Variants in NCOA6 observed in about 807,000 individuals in gnomAD.
NCOA6 encodes the protein NRC RAP250.
A neutral mutation model predicts 171.4 loss-of-function variants in NCOA6; 49 were observed. The observed-to-expected ratio is 0.29, with a 90% CI of 0.23 to 0.36. The LOEUF (loss-of-function observed/expected upper bound fraction) is 0.36, where lower values mean the gene tolerates loss of function less well. NCOA6 is among the 10% of genes least tolerant of loss of function. The pLI is 1.00. For missense variants in NCOA6, 2,248 were observed against 2,554.5 expected (o/e 0.88, Z 2.59); for synonymous variants, 910 against 927.5 (o/e 0.98, Z 0.34).
chr20:34,817,130 C>A (rs1343180929), intron 1 of NCOA6, among the ~76,000 whole-genome samples: 2,221 of 89,096 alleles, frequency 0.025, 316 homozygotes, highest in Middle Eastern at 0.045. Context: ...CACACACACA[C>A]ACAAAAAAGC....
Position 34,810,746 on chromosome 20 carries a change from C to T in NCOA6, c.-164+14726G>A, listed in dbSNP as rs181912890. ...AATTTTTTTGTATTTTTAGAAGAGT[C>T]GCGGTTTCACCGTGGTCTCGATCTC... On this transcript the variant is annotated intron_variant, in intron 1 of 14. Coordinates refer to ENST00000359003, the MANE Select transcript of NCOA6 (RefSeq NM_014071.5). 2.0e-5 allele frequency among the ~76,000 whole-genome samples: 3 copies of T among 152,070 alleles called. No homozygotes were observed. The East Asian group carries it at 5.8e-4, about 29-fold the overall frequency.
chr20:34,746,629 A>G (rs1415304336), intron 10 of NCOA6, among the ~76,000 whole-genome samples, 178 bp downstream of exon 10: 2 of 152,228 alleles, frequency 1.3e-5, no homozygotes, highest in African/African-American at 2.4e-5. Flanking sequence ...TTCAAAAGTT[A>G]TATTTGAAAT....
intron 1 of NCOA6, among the ~76,000 whole-genome samples, chr20:34,797,226 G>A (rs1234944000): frequency 6.6e-6 from 1 of 152,122 alleles, no homozygotes; most frequent in Non-Finnish European, 1.5e-5. Flanking sequence ...CCTTCCCTCT[G>A]CTTGAGGAGA....
In NCOA6 at chr20:34,746,792, C is replaced by T. The variant is rs370482629; in HGVS notation, c.2914+15G>A. 1.2e-6 allele frequency: 2 copies of T among 1,601,816 alleles called. No homozygotes were observed. Among genetic ancestry groups the T allele is most frequent in the East Asian group, 4.5e-5 (2 of 44,716 alleles). ...CACATGTAATAAGTATATAATCTAG[C>T]TAACATTTTATCACCTGGTGGCCGG... On this transcript the variant is annotated intron_variant, in intron 10 of 14. Coordinates refer to ENST00000359003, the MANE Select transcript of NCOA6 (RefSeq NM_014071.5).
chr20:34,802,946 C>T (rs6119527), intron 1 of NCOA6, among the ~76,000 whole-genome samples: 1 of 151,844 alleles, frequency 6.6e-6, no homozygotes, highest in Non-Finnish European at 1.5e-5. Flanking sequence ...CCAAGTGATC[C>T]TCCCACCTCA....
intron 1 of NCOA6, among the ~76,000 whole-genome samples, chr20:34,817,648 T>A (rs1195505730): frequency 2.6e-5 from 4 of 151,930 alleles, no homozygotes; most frequent in African/African-American, 4.8e-5. Context: ...TAGAAAAAGA[T>A]CACATTTAAA....
intron 8 of NCOA6, 23 bp downstream of exon 8, chr20:34,754,699 T>G (rs756495477): frequency 4.3e-6 from 7 of 1,613,976 alleles, no homozygotes; most frequent in Non-Finnish European, 4.2e-6. Flanking sequence ...AAATGCTGGC[T>G]AAACAAATCA....
At chr20:34,812,251 T>TA (rs79146528) in intron 1 of NCOA6, among the ~76,000 whole-genome samples, 3,491 of 138,756 alleles carry the variant, frequency 0.025, 44 homozygotes, top group Middle Eastern at 0.058. Flanking sequence ...GACTCTGTCT[T>TA]AAAAAAAAAA....
At position 34,742,109 on chromosome 20, in the gene NCOA6, T is replaced by C. The variant is rs748866916; in HGVS notation, c.4147A>G (p.Asn1383Asp). Residue 1383 changes from asparagine to aspartate, a missense_variant, in exon 11 of 15, where the codon AAT becomes GAT. Asn to Asp is a conservative substitution (Grantham distance 23). Coordinates refer to ENST00000359003, the MANE Select transcript of NCOA6 (RefSeq NM_014071.5). ...NVLVSPTPLA[N>D]PPVPGSFPNN... ...GGAAAGCTCCCAGGTACAGGGGGATTGGCCAGAGGAGTGGGACTGACCAAT... is the reference window on the plus strand; with the variant it reads ...GGAAAGCTCCCAGGTACAGGGGGATCGGCCAGAGGAGTGGGACTGACCAAT... 6 of 1,614,210 alleles carry C rather than the reference T, an allele frequency of 3.7e-6. No homozygotes were observed. The Admixed American group carries it at 1.0e-4, about 27-fold the overall frequency.
chr20:34,823,766 T>C lies in NCOA6; in HGVS notation c.-164+1706A>G, dbSNP rs560251611. 3.9e-5 allele frequency among the ~76,000 whole-genome samples: 6 copies of C among 152,206 alleles called. No individual in the cohort carries two copies. In the East Asian group the frequency reaches 5.8e-4, roughly 15 times the overall value. ...AGGCAGGAATGTCATGGAATGACCA[T>C]AGCATGGCTCATTGCAGCCTTGACC... On this transcript the variant is annotated intron_variant, in intron 1 of 14. Transcript: ENST00000359003.
chr20:34,792,720 C>G (rs2077928614), intron 1 of NCOA6, among the ~76,000 whole-genome samples, 157 bp from the exon 2 acceptor site: 1 of 150,624 alleles, frequency 6.6e-6, no homozygotes, highest in African/African-American at 2.4e-5. Context: ...GCATTGGCAT[C>G]TTTAGAGAAT....
chr20:34,769,061 C>T (rs992560587), intron 4 of NCOA6, among the ~76,000 whole-genome samples: 7 of 152,064 alleles, frequency 4.6e-5, no homozygotes, highest in Admixed American at 3.9e-4. Flanking sequence ...CACTTGTGAA[C>T]AAAATACCAA....
At chr20:34,770,156 C>T (rs1418030053) in intron 4 of NCOA6, among the ~76,000 whole-genome samples, 1 of 152,088 alleles carries the variant, frequency 6.6e-6, no homozygotes, top group African/African-American at 2.4e-5. Context: ...TCTCCTGCCT[C>T]AGCCTCCCGA....
Position 34,736,740 on chromosome 20 carries a change from A to C in NCOA6, c.5912T>G (p.Val1971Gly), listed in dbSNP as rs1336274822. The change falls in exon 12 of 15, where the codon GTC (valine) becomes GGC (glycine). Residue 1971 changes from valine (V) to glycine (G), a missense_variant. Val to Gly is a moderately radical substitution (Grantham distance 109, BLOSUM62 -3). Around this residue, in one of 7 missense-constraint regions of NCOA6, gnomAD observed 884 missense variants for 941.9 expected, o/e 0.94. Coordinates refer to ENST00000359003, the MANE Select transcript of NCOA6 (RefSeq NM_014071.5). ...TGCTGTGGTTGAAGTTTCCTTTGAG[A>C]CTAAATTCTGCGACGGGGCTAAGGC... ...LPSIAPSQNL[V>G]SKETSTTALQ... The C allele has an allele frequency of 2.5e-6, 4 of 1,611,628 alleles. No individual in the cohort carries two copies. Among genetic ancestry groups the C allele is most frequent in the Non-Finnish European group, 3.4e-6 (4 of 1,178,664 alleles).
chr20:34,749,429 C>T lies in NCOA6; in HGVS notation c.2766G>A (p.Lys922=). ...TTAGATCTTGCTGACTATTTTTCTT[C>T]TTCCGAGGGGGTTTCTTCTTCTTCG... ...NKPKKKKPPR[K]KKNSQQDLNT... The change falls in exon 9 of 15, where the codon AAG becomes AAA. Residue 922 remains lysine, a synonymous_variant. Coordinates refer to ENST00000359003, the MANE Select transcript of NCOA6 (RefSeq NM_014071.5). 2 of 1,607,448 alleles carry T rather than the reference C, an allele frequency of 1.2e-6. No homozygotes were observed. The highest frequency in any genetic ancestry group is 1.7e-6 in the Non-Finnish European group (2 of 1,176,288).
intron 1 of NCOA6, among the ~76,000 whole-genome samples, chr20:34,805,594 T>C (rs974073723): frequency 6.6e-6 from 1 of 152,182 alleles, no homozygotes; most frequent in Non-Finnish European, 1.5e-5. Context: ...AACATGAGAA[T>C]GTAGATGTCT....
chr20:34,797,703 C>G (rs1432513010), intron 1 of NCOA6, among the ~76,000 whole-genome samples: 1 of 152,052 alleles, frequency 6.6e-6, no homozygotes, highest in Non-Finnish European at 1.5e-5. Context: ...GCCTGGCCAA[C>G]ATGGTAAAAC....
At chr20:34,759,627 G>T (rs1239963935) in intron 5 of NCOA6, among the ~76,000 whole-genome samples, 3 of 151,996 alleles carry the variant, frequency 2.0e-5, no homozygotes, top group Admixed American at 6.6e-5. Flanking sequence ...TTCACTTAAT[G>T]TATTTTTTGA....
chr20:34,742,118 G>A lies in NCOA6; in HGVS notation c.4138C>T (p.Pro1380Ser). 1 of 1,614,198 alleles carries A rather than the reference G, an allele frequency of 6.2e-7. No homozygotes were observed. Among genetic ancestry groups the A allele is most frequent in the African/African-American group, 1.3e-5 (1 of 75,048 alleles). Residue 1380 changes from proline (P) to serine (S), a missense_variant, in exon 11 of 15, where the codon CCT (proline) becomes TCT (serine). Pro to Ser is a moderately conservative substitution (Grantham distance 74). Transcript: ENST00000359003. ...CCAGGTACAGGGGGATTGGCCAGAG[G>A]AGTGGGACTGACCAATACATTTCTC... is the stretch of plus-strand genomic sequence containing the variant. ...LPRNVLVSPT[P>S]LANPPVPGSF...
Sources: allele counts gnomAD v4.1 joint callset (sites outside exome capture counted in the v4.1 genomes callset), GRCh38; gene constraint gnomAD v4.1.1; regional missense constraint gnomAD v4.1.1; transcripts MANE v1.5; gene names NCBI Gene and HGNC (gene_info 2026-07-23, HGNC 2026-07-21).